The following GABRD variants were observed in gnomAD, a reference collection of about 807,000 sequenced individuals.
GABRD encodes gamma-aminobutyric acid receptor subunit delta.
Under a neutral mutation model 47.3 loss-of-function variants are expected in GABRD, and 25 were observed. The observed-to-expected ratio is 0.53, with a 90% CI of 0.39 to 0.74. GABRD has a LOEUF of 0.74. GABRD is among the 30% of genes least tolerant of loss of function. GABRD has a pLI of 0.00. For missense variants in GABRD, 497 were observed against 643.4 expected (o/e 0.77, Z 2.46); for synonymous variants, 314 against 278.8 (o/e 1.13, Z -1.26).
intron 4 of GABRD, among the ~76,000 whole-genome samples, chr1:2,026,338 T>C (rs1235418535): frequency 2.0e-5 from 3 of 152,130 alleles, no homozygotes; most frequent in African/African-American, 7.2e-5. Context: ...AGGGGCGCCT[T>C]CTTCTTCATG....
chr1:2,030,549 G>A lies in GABRD; in HGVS notation c.*267G>A. On this transcript the variant is annotated 3_prime_UTR_variant, in exon 9 of 9. Coordinates refer to ENST00000378585, the MANE Select transcript of GABRD (RefSeq NM_000815.5). ...GGTTCTGACCGAGAGGCTGAGCCAG[G>A]CCGGGGTCTGGGCCCTTCAGGGAGC... 2.7e-6 allele frequency: 1 copy of A among 375,672 alleles called. No homozygotes were observed. Among genetic ancestry groups the A allele is most frequent in the Non-Finnish European group, 4.7e-6 (1 of 210,542 alleles). The allele number at this position is 375,672 out of a possible 1,614,324, so 23.3% of individuals were successfully genotyped here. A position where few individuals can be genotyped will look rare whatever the true frequency, so the allele number is the denominator to read the frequency against.
chr1:2,019,601 C>T lies in GABRD; in HGVS notation c.68+110C>T, dbSNP rs1252699975. ...GGCGCGAGCCCCGGGCCCCGGACCCCAAGTCTGAGAGCCCCGCGTCCTCCC... is the reference window on the plus strand; with the variant it reads ...GGCGCGAGCCCCGGGCCCCGGACCCTAAGTCTGAGAGCCCCGCGTCCTCCC... On this transcript the variant is annotated intron_variant, in intron 1 of 8. Transcript: ENST00000378585. 31 of 586,154 alleles carry T rather than the reference C, an allele frequency of 5.3e-5. No homozygotes were observed. The South Asian group carries it at 2.1e-3, about 40-fold the overall frequency. 36.3% of individuals were successfully genotyped at this position (586,154 alleles called of 1,614,324 possible).
intron 8 of GABRD, 49 bp from the exon 9 acceptor site, chr1:2,029,934 A>G (rs774894968): frequency 1.2e-6 from 2 of 1,600,116 alleles, no homozygotes; most frequent in South Asian, 1.1e-5. Context: ...GGGCCCTGGG[A>G]GCTGCACCCC....
At chr1:2,029,449 G>A (rs1354336333) in intron 7 of GABRD, 102 bp from the exon 8 acceptor site, 4 of 1,506,062 alleles carry the variant, frequency 2.7e-6, no homozygotes, top group Non-Finnish European at 2.7e-6. Flanking sequence ...GGGCATGGGG[G>A]TGGGGGGCAG....
intron 1 of GABRD, 37 bp downstream of exon 1, chr1:2,019,528 G>A: frequency 9.2e-7 from 1 of 1,090,282 alleles, no homozygotes; most frequent in South Asian, 4.4e-5. Context: ...GGGGTCGGGG[G>A]CGGTGGGGGG....
At position 2,025,864 on chromosome 1, in the gene GABRD, G is replaced by C. The variant is rs1050775980; in HGVS notation, c.470+126G>C. On this transcript the variant is annotated intron_variant, in intron 4 of 8. Transcript: ENST00000378585. The stretch of plus-strand genomic sequence containing the variant: ...TGCCGGGAGCTGGCGGGCGGGCGGA[G>C]GGGGGGGCAGAAGCTGCGCGGTTAT... The C allele has an allele frequency of 1.5e-5, 11 of 730,098 alleles. No individual in the cohort carries two copies. The East Asian group carries it at 2.7e-4, about 18-fold the overall frequency. The allele number at this position is 730,098 out of a possible 1,614,324, so 45.2% of individuals were successfully genotyped here.
intron 1 of GABRD, among the ~76,000 whole-genome samples, chr1:2,020,696 G>C (rs977295336): frequency 1.3e-5 from 2 of 152,190 alleles, no homozygotes; most frequent in African/African-American, 4.8e-5. Context: ...CACAGTTGTG[G>C]ATGCTGTGCT....
At chr1:2,022,781 G>T (rs1220247302) in intron 1 of GABRD, among the ~76,000 whole-genome samples, 1 of 152,356 alleles carries the variant, frequency 6.6e-6, no homozygotes, top group South Asian at 2.1e-4. Flanking sequence ...TGGGCGCGGG[G>T]TCCTGGGTCT....
At chr1:2,020,459 G>A (rs1397995573) in intron 1 of GABRD, among the ~76,000 whole-genome samples, 1 of 152,230 alleles carries the variant, frequency 6.6e-6, no homozygotes, top group Non-Finnish European at 1.5e-5. Flanking sequence ...CACCCAACAC[G>A]GGGCGGTGTG....
intron 1 of GABRD, among the ~76,000 whole-genome samples, chr1:2,022,683 C>T (rs1399990277): frequency 2.0e-5 from 3 of 152,358 alleles, no homozygotes; most frequent in Non-Finnish European, 2.9e-5. Flanking sequence ...TTTAATTGGC[C>T]GGGACTTAAT....
In GABRD at chr1:2,025,647, G is replaced by A. The variant is rs562124721; in HGVS notation, c.379G>A (p.Val127Met). 14 of 1,613,056 alleles carry A rather than the reference G, an allele frequency of 8.7e-6. No homozygotes were observed. The highest frequency in any genetic ancestry group is 2.2e-5 in the East Asian group (1 of 44,886). ...DKLWLPDTFI[V>M]NAKSAWFHDV... ...GCTGTGGCTGCCCGACACCTTCATC[G>A]TGAACGCCAAGTCGGCCTGGTTCCA... Residue 127 changes from valine to methionine, a missense_variant, in exon 4 of 9, where the codon GTG (valine) becomes ATG (methionine). Val to Met is a conservative substitution (Grantham distance 21). Around this residue, in one of 3 missense-constraint regions of GABRD, gnomAD observed 285 missense variants for 436.6 expected, o/e 0.65. Transcript: ENST00000378585.
intron 1 of GABRD, among the ~76,000 whole-genome samples, chr1:2,023,025 T>C (rs1218832452): frequency 6.6e-6 from 1 of 152,014 alleles, no homozygotes; most frequent in Middle Eastern, 3.2e-3. Flanking sequence ...ACCCCGGTGG[T>C]CCTCAGGGGG....
chr1:2,029,925 G>C, intron 8 of GABRD, 58 bp from the exon 9 acceptor site: 1 of 1,595,026 alleles, frequency 6.3e-7, no homozygotes, highest in South Asian at 1.1e-5. Flanking sequence ...TGTGGTCCAG[G>C]GCCCTGGGAG....
Position 2,025,730 on chromosome 1 carries a change from C to T in GABRD, c.462C>T (p.Tyr154=). The change falls in exon 4 of 9, where the codon TAC becomes TAT. Residue 154 remains tyrosine, a synonymous_variant. Transcript: ENST00000378585. ...TGCAGCCCGACGGCGTGATCCTGTA[C>T]AGCATCCGGTGAGCGGGCTGCCCAC... is the stretch of plus-strand genomic sequence containing the variant. ...IRLQPDGVIL[Y]SIRITSTVAC... The T allele has an allele frequency of 6.2e-6, 10 of 1,611,996 alleles. No homozygotes were observed. Among genetic ancestry groups the T allele is most frequent in the South Asian group, 1.1e-5 (1 of 91,052 alleles).
At chr1:2,019,535 G>A (rs201580526) in intron 1 of GABRD, 44 bp downstream of exon 1, 8 of 1,081,934 alleles carry the variant, frequency 7.4e-6, no homozygotes, top group Non-Finnish European at 7.9e-6. Context: ...GGGGCGGTGG[G>A]GGGCCCGCGT....
chr1:2,021,679 G>A (rs555062200), intron 1 of GABRD, among the ~76,000 whole-genome samples: 26 of 152,284 alleles, frequency 1.7e-4, no homozygotes, highest in African/African-American at 6.3e-4. Flanking sequence ...CCGGGCTGCC[G>A]GCACCTCCGT....
Position 2,019,483 on chromosome 1 carries a change from C to T in GABRD, c.60C>T (p.Arg20=), listed in dbSNP as rs1337443605. 2.5e-5 allele frequency: 27 copies of T among 1,089,760 alleles called. No individual in the cohort carries two copies. The highest frequency in any genetic ancestry group is 2.8e-5 in the Non-Finnish European group (25 of 899,002). 67.5% of individuals were successfully genotyped at this position (1,089,760 alleles called of 1,614,324 possible). Residue 20 remains arginine, a synonymous_variant, in exon 1 of 9, where the codon CGC becomes CGT. Transcript: ENST00000378585. The part of the protein sequence containing the change: ...PLLLLCAQQL[R]GTRAMNDIGD... ...TGCTCCTCTGCGCGCAGCAGCTCCG[C>T]GGCACCAGGTGAGCGGGCGGGGTCC...
At position 2,026,301 on chromosome 1, in the gene GABRD, C is replaced by T. The variant is rs777807998; in HGVS notation, c.470+563C>T. On this transcript the variant is annotated intron_variant, in intron 4 of 8. Coordinates refer to ENST00000378585, the MANE Select transcript of GABRD (RefSeq NM_000815.5). ...TTCGTTACTCAGCATCACGTCCTCA[C>T]GGTTCATCCCAGTGGAAGCCGGAGT... is the stretch of plus-strand genomic sequence containing the variant. Among the ~76,000 whole-genome samples the T allele has an allele frequency of 1.4e-4, 21 of 152,316 alleles. No individual in the cohort carries two copies. The East Asian group carries it at 2.3e-3, about 17-fold the overall frequency.
In GABRD at chr1:2,024,934, A is replaced by C; in HGVS notation, c.69-8A>C. The C allele has an allele frequency of 6.2e-7, 1 of 1,602,666 alleles. No individual in the cohort carries two copies. Among genetic ancestry groups the C allele is most frequent in the Non-Finnish European group, 8.5e-7 (1 of 1,170,704 alleles). ...TGGCCTGTCTGACCGGTGGCTTTGC[A>C]TCCCCAGAGCGATGAATGACATCGG... On this transcript the variant is annotated splice_polypyrimidine_tract_variant and splice_region_variant and intron_variant, in intron 1 of 8. Coordinates refer to ENST00000378585, the MANE Select transcript of GABRD (RefSeq NM_000815.5).
Sources: allele counts gnomAD v4.1 joint callset (sites outside exome capture counted in the v4.1 genomes callset), GRCh38; gene constraint gnomAD v4.1.1; regional missense constraint gnomAD v4.1.1; transcripts MANE v1.5; gene names NCBI Gene and HGNC (gene_info 2026-07-23, HGNC 2026-07-21).